Variants in KYAT1 observed in about 807,000 individuals in gnomAD.
The protein encoded by KYAT1 is kynurenine--oxoglutarate transaminase 1.
In KYAT1, 47 loss-of-function variants were observed where a neutral mutation model predicts 52.4. That is an observed-to-expected ratio of 0.90 (90% CI 0.71 to 1.14). The LOEUF (loss-of-function observed/expected upper bound fraction) is 1.14, where lower values mean the gene tolerates loss of function less well. KYAT1 is among the 50% of genes most tolerant of loss of function. The pLI is 0.00. For missense variants in KYAT1, 480 were observed against 557.9 expected, an observed-to-expected ratio of 0.86 and a Z score of 1.41; for synonymous variants, 212 against 209.6, an observed-to-expected ratio of 1.01 and a Z score of -0.10.
In KYAT1 at chr9:128,841,475, C is replaced by T. The variant is rs138849262; in HGVS notation, c.201+1179G>A. ...GGCGGAGGTTGCAGTGAGCCGAGAT[C>T]GTGCCGCTGCACTCCAGACTCCAGC... On this transcript the variant is annotated intron_variant, in intron 3 of 12. Transcript: ENST00000302586. Among the ~76,000 whole-genome samples the T allele has an allele frequency of 2.1e-3, 315 of 151,472 alleles. 5 individuals are homozygous for T. The East Asian group carries it at 0.043, about 21-fold the overall frequency.
At chr9:128,855,723 C>T (rs78040017) in intron 1 of KYAT1, among the ~76,000 whole-genome samples, 20 of 152,042 alleles carry the variant, frequency 1.3e-4, no homozygotes, top group African/African-American at 2.7e-4. Flanking sequence ...ATGGACCGAC[C>T]GTGGGAGGCT....
At chr9:128,869,231 G>A (rs1225188331) in intron 1 of KYAT1, among the ~76,000 whole-genome samples, 2 of 151,458 alleles carry the variant, frequency 1.3e-5, no homozygotes, top group Non-Finnish European at 1.5e-5. Context: ...GCACAATCTC[G>A]GCTCACTGCA....
chr9:128,833,928 G>A, intron 11 of KYAT1, 102 bp from the exon 12 acceptor site: 1 of 856,366 alleles, frequency 1.2e-6, no homozygotes, highest in Non-Finnish European at 1.9e-6. Context: ...GGGAAGGAGA[G>A]TTAGCTCCAA....
intron 3 of KYAT1, among the ~76,000 whole-genome samples, chr9:128,839,742 T>C (rs148635470): frequency 9.6e-4 from 146 of 152,328 alleles, no homozygotes; most frequent in African/African-American, 3.0e-3. Context: ...CACACAAATA[T>C]AAAAATTTTC....
chr9:128,856,405 C>T (rs1370383249), intron 1 of KYAT1, among the ~76,000 whole-genome samples: 1 of 152,166 alleles, frequency 6.6e-6, no homozygotes, highest in Non-Finnish European at 1.5e-5. Flanking sequence ...CCAGCGAAAA[C>T]AGGCCATAAT....
At chr9:128,850,861 C>CT (rs1283686388) in intron 1 of KYAT1, among the ~76,000 whole-genome samples, 6 of 152,206 alleles carry the variant, frequency 3.9e-5, no homozygotes. Context: ...GCAATGCTGC[C>CT]TGCTATTCTT....
At chr9:128,855,515 T>G (rs546084315) in intron 1 of KYAT1, among the ~76,000 whole-genome samples, 1 of 152,360 alleles carries the variant, frequency 6.6e-6, no homozygotes, top group South Asian at 2.1e-4. Context: ...TAACCTAAAT[T>G]CCAATCCGAC....
chr9:128,841,108 A>G (rs1232273272), intron 3 of KYAT1, among the ~76,000 whole-genome samples: 2 of 152,228 alleles, frequency 1.3e-5, no homozygotes, highest in African/African-American at 4.8e-5. Context: ...GCGGTGGCTC[A>G]CGCCTGTAAT....
chr9:128,857,318 A>T (rs1269313233), intron 1 of KYAT1, among the ~76,000 whole-genome samples: 1 of 152,328 alleles, frequency 6.6e-6, no homozygotes, highest in South Asian at 2.1e-4. Flanking sequence ...ATGCTGGTGC[A>T]GGTCCTTGAT....
chr9:128,875,373 G>C (rs577412396), intron 1 of KYAT1, among the ~76,000 whole-genome samples: 1 of 151,540 alleles, frequency 6.6e-6, no homozygotes, highest in African/African-American at 2.4e-5. Context: ...CAGCACTTTG[G>C]GAGGCCGAGG....
At chr9:128,862,815 T>C (rs769433490) in intron 1 of KYAT1, among the ~76,000 whole-genome samples, 1 of 151,986 alleles carries the variant, frequency 6.6e-6, no homozygotes, top group East Asian at 1.9e-4. Context: ...TAGGAGTCAA[T>C]GTTGGTTTGT....
intron 1 of KYAT1, among the ~76,000 whole-genome samples, chr9:128,873,110 A>C (rs1837477571): frequency 6.6e-6 from 1 of 151,616 alleles, no homozygotes; most frequent in African/African-American, 2.4e-5. Context: ...TGTAAACTTA[A>C]ATTGTGCAAA....
At chr9:128,850,644 C>T (rs370406502) in intron 1 of KYAT1, among the ~76,000 whole-genome samples, 18 of 152,232 alleles carry the variant, frequency 1.2e-4, no homozygotes, top group South Asian at 8.3e-4. Flanking sequence ...AAGACCTGAC[C>T]GTCCCCCAGC....
At chr9:128,866,713 C>T (rs1312678422) in intron 1 of KYAT1, among the ~76,000 whole-genome samples, 1 of 152,186 alleles carries the variant, frequency 6.6e-6, no homozygotes, top group East Asian at 1.9e-4. Context: ...TGTTCAAAAC[C>T]AGCCTGGCCA....
At position 128,846,622 on chromosome 9, in the gene KYAT1, A is replaced by AG. The variant is rs1222272591; in HGVS notation, c.-6-1212_-6-1211insC. ...TACCAAAAAAAAAAAAAAAAAAAAAAAAAGAAAGAAAGAAATTGGCCAGAC... is the reference window on the plus strand; with the variant it reads ...TACCAAAAAAAAAAAAAAAAAAAAAAGAAAGAAAGAAAGAAATTGGCCAGAC... On this transcript the variant is annotated intron_variant, in intron 1 of 12. Transcript: ENST00000302586. The AG allele has an allele frequency of 6.8e-6, 7 of 1,026,754 alleles. No individual in the cohort carries two copies. The East Asian group carries it at 8.5e-5, about 13-fold the overall frequency. The allele number at this position is 1,026,754 out of a possible 1,614,324, so 63.6% of individuals were successfully genotyped here. A position where few individuals can be genotyped will look rare whatever the true frequency, so the allele number is the denominator to read the frequency against.
intron 1 of KYAT1, among the ~76,000 whole-genome samples, chr9:128,858,054 G>T (rs1834910898): frequency 6.6e-6 from 1 of 152,106 alleles, no homozygotes; most frequent in Non-Finnish European, 1.5e-5. Context: ...CCATGGAATG[G>T]AAGGAAATAT....
intron 3 of KYAT1, among the ~76,000 whole-genome samples, chr9:128,838,742 G>C (rs937631206): frequency 3.9e-5 from 6 of 152,276 alleles, no homozygotes; most frequent in African/African-American, 1.4e-4. Flanking sequence ...ACCAGCATTT[G>C]CCACAGGGCC....
In KYAT1 at chr9:128,858,395, T is replaced by TTAA. The variant is rs67073521; in HGVS notation, c.-6-12985_-6-12984insTTA. On this transcript the variant is annotated intron_variant, in intron 1 of 12. Coordinates refer to ENST00000302586, the MANE Select transcript of KYAT1 (RefSeq NM_004059.5). ...CTGGGCAACAGAGTGAGACCATGTA[T>TTAA]AAAAAAAAAAAAAAAAAAAAGCCCG... Among the ~76,000 whole-genome samples, 16 of 65,108 alleles carry TTAA rather than the reference T, an allele frequency of 2.5e-4. 4 individuals carry two copies. The highest frequency in any genetic ancestry group is 4.8e-4 in the Admixed American group (2 of 4,174). 42.7% of individuals were successfully genotyped at this position (65,108 alleles called of 152,430 possible).
At chr9:128,849,760 C>T (rs1833668119) in intron 1 of KYAT1, among the ~76,000 whole-genome samples, 1 of 146,058 alleles carries the variant, frequency 6.8e-6, no homozygotes, top group African/African-American at 2.5e-5. Context: ...CACGCCACTG[C>T]ACTCCAGCCT....
Sources: allele counts gnomAD v4.1 joint callset (sites outside exome capture counted in the v4.1 genomes callset), GRCh38; gene constraint gnomAD v4.1.1; transcripts MANE v1.5; gene names NCBI Gene and HGNC (gene_info 2026-07-23, HGNC 2026-07-21).